The following CORO2B variants were observed in gnomAD, a reference collection of about 807,000 sequenced individuals.
CORO2B encodes the protein coronin-2B.
In CORO2B, 26 loss-of-function variants were observed where a neutral mutation model predicts 58.8. The ratio of observed to expected loss-of-function variants is 0.44; its 90% CI spans 0.32 to 0.61. The LOEUF is 0.61. CORO2B is among the 20% of genes least tolerant of loss of function. CORO2B has a pLI of 0.04. For missense variants in CORO2B, 460 were observed against 645.1 expected, an observed-to-expected ratio of 0.71 and a Z score of 3.11; for synonymous variants, 242 against 253.8, an observed-to-expected ratio of 0.95 and a Z score of 0.44.
At chr15:68,699,875 A>G (rs1282877186) in intron 3 of CORO2B, among the ~76,000 whole-genome samples, 1 of 152,216 alleles carries the variant, frequency 6.6e-6, no homozygotes, top group Non-Finnish European at 1.5e-5. Context: ...GCTCAGGGCC[A>G]TGGTGGGCTG....
intron 2 of CORO2B, among the ~76,000 whole-genome samples, chr15:68,659,981 G>T (rs75124251): frequency 1.3e-5 from 2 of 152,160 alleles, no homozygotes; most frequent in Non-Finnish European, 2.9e-5. Flanking sequence ...GAAGAAGAGG[G>T]GTTGGCATTG....
chr15:68,641,412 C>A, intron 1 of CORO2B: 1 of 493,156 alleles, frequency 2.0e-6, no homozygotes, highest in Non-Finnish European at 2.6e-6. Flanking sequence ...TGTCTACACC[C>A]TGAGGACTGG....
At chr15:68,538,454 G>T in the CORO2B span, among the ~76,000 whole-genome samples, 1 of 152,202 alleles carries the variant, frequency 6.6e-6, no homozygotes, top group Non-Finnish European at 1.5e-5. Flanking sequence ...CGGAGGGGCT[G>T]GTCCTGGGTG....
chr15:68,711,826 C>A, intron 5 of CORO2B, 120 bp downstream of exon 5: 1 of 1,145,852 alleles, frequency 8.7e-7, no homozygotes, highest in Non-Finnish European at 1.2e-6. Context: ...CTCACTGCAC[C>A]TCTGTTGAAC....
At chr15:68,560,160 T>C in the CORO2B span, among the ~76,000 whole-genome samples, 1 of 152,226 alleles carries the variant, frequency 6.6e-6, no homozygotes, top group East Asian at 1.9e-4. Flanking sequence ...GGATATTGAA[T>C]GTGAAAGACA....
chr15:68,594,879 C>T (rs982401770), intron 1 of CORO2B, among the ~76,000 whole-genome samples: 1 of 152,240 alleles, frequency 6.6e-6, no homozygotes, highest in South Asian at 2.1e-4. Context: ...ATTGAAATCT[C>T]AGCCTTGGTT....
At chr15:68,716,567 T>C (rs951832099) in intron 8 of CORO2B, among the ~76,000 whole-genome samples, 1 of 151,736 alleles carries the variant, frequency 6.6e-6, no homozygotes, top group African/African-American at 2.4e-5. Context: ...ATAAGAAAAA[T>C]ATTGGATGGG....
chr15:68,590,475 A>G (rs1361828175), intron 1 of CORO2B, among the ~76,000 whole-genome samples: 1 of 151,898 alleles, frequency 6.6e-6, no homozygotes, highest in South Asian at 2.1e-4. Flanking sequence ...TGCTTCACAC[A>G]GCAGGAAGGG....
chr15:68,714,455 G>T, intron 6 of CORO2B, 104 bp from the exon 7 acceptor site: 1 of 838,380 alleles, frequency 1.2e-6, no homozygotes, highest in Non-Finnish European at 2.0e-6. Context: ...TCTAGGGGAG[G>T]TCTTAACATA....
intron 1 of CORO2B, among the ~76,000 whole-genome samples, chr15:68,598,892 T>C (rs971100074): frequency 6.6e-6 from 1 of 152,124 alleles, no homozygotes; most frequent in Non-Finnish European, 1.5e-5. Flanking sequence ...GGGGCAGCCA[T>C]GCTGTGAGTC....
At chr15:68,694,151 G>A (rs1421210671) in intron 2 of CORO2B, among the ~76,000 whole-genome samples, 2 of 152,084 alleles carry the variant, frequency 1.3e-5, no homozygotes, top group African/African-American at 4.8e-5. Flanking sequence ...GTGTTATAAT[G>A]GAGGGAAGCA....
rs543174298 is a variant in CORO2B, at chr15:68,595,982, G to A, written c.15+16705G>A. On this transcript the variant is annotated intron_variant, in intron 1 of 11. Coordinates refer to ENST00000261861, the MANE Select transcript of CORO2B (RefSeq NM_006091.5). The stretch of plus-strand genomic sequence containing the variant: ...GGCAGCGACGCCGTGGGGTGCTCCC[G>A]AGCCACGAGGGTGCCCAGTGAGGTT... Among the ~76,000 whole-genome samples, 10 of 152,100 alleles carry A rather than the reference G, an allele frequency of 6.6e-5. No homozygotes were observed. In the South Asian group the frequency reaches 8.3e-4, roughly 13 times the overall value.
At position 68,715,297 on chromosome 15, in the gene CORO2B, C is replaced by A; in HGVS notation, c.953C>A (p.Pro318Gln). The change falls in exon 8 of 12, where the codon CCG becomes CAG. Residue 318 changes from proline to glutamine, a missense_variant. By Grantham distance (76) the Pro-to-Gln change is moderately conservative (BLOSUM62 -1). This residue lies in a region of CORO2B where 352 missense variants were observed against 543.0 expected (regional missense o/e 0.65). Transcript: ENST00000261861. The part of the protein sequence containing the change: ...SYLMEFRSPA[P>Q]QKGLGVMPKH... The stretch of plus-strand genomic sequence containing the variant: ...CTCATGGAGTTCCGCTCCCCAGCCC[C>A]GCAGAAAGGCCTAGGTAAGTGGCCC... 6.2e-7 allele frequency: 1 copy of A among 1,613,946 alleles called. No homozygotes were observed. The highest frequency in any genetic ancestry group is 8.5e-7 in the Non-Finnish European group (1 of 1,179,908).
At chr15:68,633,751 C>A (rs1245870330) in intron 1 of CORO2B, among the ~76,000 whole-genome samples, 3 of 152,226 alleles carry the variant, frequency 2.0e-5, no homozygotes, top group African/African-American at 4.8e-5. Flanking sequence ...TCCTTTTACT[C>A]TAACAGAGAT....
chr15:68,576,255 C>T (rs1899287067), upstream of CORO2B, among the ~76,000 whole-genome samples: 1 of 150,770 alleles, frequency 6.6e-6, no homozygotes, highest in Non-Finnish European at 1.5e-5. Flanking sequence ...GGGGATGTGG[C>T]ATTGTCTGAG....
At chr15:68,700,214 G>C (rs17279331) in intron 3 of CORO2B, among the ~76,000 whole-genome samples, 27,184 of 152,136 alleles carry the variant, frequency 0.18, 3,030 homozygotes, top group Non-Finnish European at 0.24. Flanking sequence ...TGGGAGGTCA[G>C]TCGGCAAAGC....
the CORO2B span, among the ~76,000 whole-genome samples, chr15:68,559,176 G>T: frequency 1.3e-5 from 2 of 152,074 alleles, no homozygotes; most frequent in African/African-American, 4.8e-5. The surrounding 1 kb of genome is among the most constrained non-coding windows in gnomAD (Gnocchi z 4.3). Context: ...AGTGGCGTCA[G>T]TGCTACTTCA....
the CORO2B span, among the ~76,000 whole-genome samples, chr15:68,520,197 C>G: frequency 6.6e-6 from 1 of 152,150 alleles, no homozygotes; most frequent in Non-Finnish European, 1.5e-5. Flanking sequence ...AGCATGTGAT[C>G]AATGTTGATA....
rs139950725 is a variant in CORO2B at position 68,628,605 on chromosome 15, T to C, written c.16-16555T>C. ...TATTAAGCCCATGGTATGAGCAAAG[T>C]AATGTTACAGTTACTGTACATGTAT... On this transcript the variant is annotated intron_variant, in intron 1 of 11. Coordinates refer to ENST00000261861, the MANE Select transcript of CORO2B (RefSeq NM_006091.5). Among the ~76,000 whole-genome samples, 43 of 152,334 alleles carry C rather than the reference T, an allele frequency of 2.8e-4. No homozygotes were observed. In the East Asian group the frequency reaches 7.7e-3, roughly 27 times the overall value.
Sources: gnomAD v4.1 joint callset for allele counts (sites outside exome capture counted in the v4.1 genomes callset) on GRCh38, gnomAD v4.1.1 for gene constraint, gnomAD v4.1.1 regional missense constraint, Gnocchi (gnomAD v3.1) non-coding constraint, MANE v1.5 for transcripts, NCBI Gene and HGNC (gene_info 2026-07-23, HGNC 2026-07-21) for gene names.